The following KIF13A variants were observed in gnomAD, a reference collection of about 807,000 sequenced individuals.
KIF13A encodes kinesin family member 13A.
A neutral mutation model predicts 212.2 loss-of-function variants in KIF13A; 79 were observed. That is an observed-to-expected ratio of 0.37 (90% CI 0.31 to 0.45). The LOEUF is 0.45. Among genes scored for constraint, KIF13A ranks in the 20% least tolerant of loss-of-function variants. The pLI, the probability that KIF13A is intolerant of heterozygous loss-of-function variation, is 1.00. For synonymous variants in KIF13A, 789 were observed against 808.6 expected (o/e 0.98, Z 0.41); for missense variants, 1,901 against 2,209.0 (o/e 0.86, Z 2.79).
chr6:17,802,561 A>T (rs1749989119), intron 20 of KIF13A, among the ~76,000 whole-genome samples: 1 of 152,012 alleles, frequency 6.6e-6, no homozygotes. Context: ...AAGTGCTGGG[A>T]TTACAGGCGT....
At chr6:17,887,512 A>G (rs1474050972) in intron 3 of KIF13A, among the ~76,000 whole-genome samples, 1 of 152,168 alleles carries the variant, frequency 6.6e-6, no homozygotes, top group Non-Finnish European at 1.5e-5. Context: ...TTTTCTATAT[A>G]AAGATCCTAA....
chr6:17,808,460 G>A (rs1413946704), intron 18 of KIF13A, among the ~76,000 whole-genome samples: 2 of 151,820 alleles, frequency 1.3e-5, no homozygotes, highest in Admixed American at 1.3e-4. Context: ...TTCAGAAAGG[G>A]GCATTTACAT....
intron 18 of KIF13A, among the ~76,000 whole-genome samples, 189 bp downstream of exon 18, chr6:17,808,579 A>G (rs1238506357): frequency 6.6e-6 from 1 of 152,214 alleles, no homozygotes; most frequent in African/African-American, 2.4e-5. Context: ...TGCTTATTAC[A>G]TATCTAAGAA....
At chr6:17,959,890 G>T (rs941561789) in intron 2 of KIF13A, among the ~76,000 whole-genome samples, 1 of 152,100 alleles carries the variant, frequency 6.6e-6, no homozygotes, top group African/African-American at 2.4e-5. Context: ...TGGTGTGGTG[G>T]CGCATGCCTG....
chr6:17,956,138 C>T (rs1561802539), intron 2 of KIF13A, among the ~76,000 whole-genome samples: 2 of 152,204 alleles, frequency 1.3e-5, no homozygotes, highest in Non-Finnish European at 2.9e-5. Flanking sequence ...TTTAACCTTA[C>T]ATCCGTAAGA....
intron 38 of KIF13A, among the ~76,000 whole-genome samples, chr6:17,765,242 G>A (rs946768873): frequency 1.3e-5 from 2 of 152,164 alleles, no homozygotes; most frequent in African/African-American, 4.8e-5. Flanking sequence ...GAGAAAGAAT[G>A]GAACTGAAGT....
chr6:17,760,842 G>A (rs372472253), downstream of KIF13A: 108 of 1,613,392 alleles, frequency 6.7e-5, no homozygotes, highest in Non-Finnish European at 8.7e-5. Context: ...GCCTGAGGAG[G>A]GGTGCTTGCT....
At chr6:17,931,803 A>G (rs979431091) in intron 2 of KIF13A, among the ~76,000 whole-genome samples, 1 of 152,150 alleles carries the variant, frequency 6.6e-6, no homozygotes, top group African/African-American at 2.4e-5. Context: ...TTTAAATGCG[A>G]TTTCTTCTAA....
rs571957331 is a variant in KIF13A at position 17,899,956 on chromosome 6, G to A, written c.147-1776C>T. On this transcript the variant is annotated intron_variant, in intron 2 of 38. Coordinates refer to ENST00000259711, the MANE Select transcript of KIF13A (RefSeq NM_022113.6). The surrounding 1 kb of genome is among the most constrained non-coding windows in gnomAD (Gnocchi z 5.2). Reference sequence around the variant, plus strand: ...TCAGGAAGGCCTCAGTTCTAAGAAGGTAGAACAATAATAAAACTTTATGAA... The same window carrying A: ...TCAGGAAGGCCTCAGTTCTAAGAAGATAGAACAATAATAAAACTTTATGAA... 6.6e-6 allele frequency among the ~76,000 whole-genome samples: 1 copy of A among 152,224 alleles called. No homozygotes were observed. The highest frequency in any genetic ancestry group is 1.9e-4 in the East Asian group (1 of 5,178).
chr6:17,981,768 G>A (rs1001358422), intron 2 of KIF13A, among the ~76,000 whole-genome samples: 1 of 152,086 alleles, frequency 6.6e-6, no homozygotes, highest in Non-Finnish European at 1.5e-5. Flanking sequence ...TGTAATATGG[G>A]CAGAGAGAAG....
intron 2 of KIF13A, among the ~76,000 whole-genome samples, chr6:17,949,660 A>C (rs1288301017): frequency 6.6e-6 from 1 of 152,158 alleles, no homozygotes; most frequent in East Asian, 1.9e-4. Context: ...GATCAAAGAC[A>C]TGAAGTCTCA....
At chr6:17,815,626 C>A in intron 17 of KIF13A, 1 of 441,230 alleles carries the variant, frequency 2.3e-6, no homozygotes, top group Non-Finnish European at 4.6e-6. Flanking sequence ...GCTGGTTTTT[C>A]CCAGGTGATA....
intron 4 of KIF13A, among the ~76,000 whole-genome samples, chr6:17,863,861 G>C (rs917358432): frequency 6.6e-6 from 1 of 152,000 alleles, no homozygotes; most frequent in African/African-American, 2.4e-5. Context: ...CCTTTTCTCA[G>C]CATAGGAAAA....
intron 11 of KIF13A, among the ~76,000 whole-genome samples, chr6:17,835,187 G>A (rs577238279): frequency 0.034 from 2,926 of 85,986 alleles, 53 homozygotes; most frequent in Non-Finnish European, 0.046. Context: ...CTGTCCACCC[G>A]CCCCCGCCAA....
Position 17,926,993 on chromosome 6 carries a change from C to G in KIF13A, c.147-28813G>C, listed in dbSNP as rs1775550860. ...TCTCTACTAAAAATACAAAAATTAG[C>G]CAGGTGTGGTGGTGCATGTGACTGC... On this transcript the variant is annotated intron_variant, in intron 2 of 38. Transcript: ENST00000259711. This position sits in a 1 kb window ranked among gnomAD's most constrained non-coding sequence, Gnocchi z 4.3. Among the ~76,000 whole-genome samples, 1 of 151,956 alleles carries G rather than the reference C, an allele frequency of 6.6e-6. No homozygotes were observed. The highest frequency in any genetic ancestry group is 2.4e-5 in the African/African-American group (1 of 41,348).
chr6:17,942,737 C>T (rs187476646), intron 2 of KIF13A, among the ~76,000 whole-genome samples: 8 of 152,140 alleles, frequency 5.3e-5, no homozygotes, highest in South Asian at 2.1e-4. Flanking sequence ...CAGCACTTTA[C>T]GAGGCCAAGG....
At chr6:17,814,119 A>ATTT (rs1217354226) in intron 17 of KIF13A, among the ~76,000 whole-genome samples, 1 of 151,220 alleles carries the variant, frequency 6.6e-6, no homozygotes, top group African/African-American at 2.4e-5. Flanking sequence ...CGCCCGGCTA[A>ATTT]TTTTTGTATT....
intron 25 of KIF13A, among the ~76,000 whole-genome samples, chr6:17,793,795 T>A (rs1327200589): frequency 6.6e-6 from 1 of 151,864 alleles, no homozygotes; most frequent in East Asian, 1.9e-4. Flanking sequence ...GTGCTTGTAG[T>A]CCCAGCTACT....
At chr6:17,904,713 C>T (rs1031959504) in intron 2 of KIF13A, among the ~76,000 whole-genome samples, 1 of 152,222 alleles carries the variant, frequency 6.6e-6, no homozygotes, top group African/African-American at 2.4e-5. Flanking sequence ...AGTCCTCTGA[C>T]CACTGTTTAC....
Sources: allele counts gnomAD v4.1 joint callset (sites outside exome capture counted in the v4.1 genomes callset), GRCh38; gene constraint gnomAD v4.1.1; non-coding constraint Gnocchi (gnomAD v3.1); transcripts MANE v1.5; gene names NCBI Gene and HGNC (gene_info 2026-07-23, HGNC 2026-07-21).